The following CCDC127 variants were observed in gnomAD, a reference collection of about 807,000 sequenced individuals.
The protein encoded by CCDC127 is coiled-coil domain containing 127, also known as coiled-coil domain-containing protein 127.
In CCDC127, 2 loss-of-function variants were observed where a neutral mutation model predicts 4.1. The observed-to-expected ratio is 0.49, with a 90% CI of 0.20 to 1.53. CCDC127 has a LOEUF of 1.53. Among genes scored for constraint, CCDC127 ranks in the 40% most tolerant of loss-of-function variants. The pLI, the probability that CCDC127 is intolerant of heterozygous loss-of-function variation, is 0.23. For synonymous variants in CCDC127, 98 were observed against 120.4 expected, an observed-to-expected ratio of 0.81 and a Z score of 1.22; for missense variants, 271 against 322.9, an observed-to-expected ratio of 0.84 and a Z score of 1.23.
In CCDC127 at chr5:205,425, A is replaced by G. The variant is rs144547707; in HGVS notation, c.655T>C (p.Cys219Arg). 6.2e-7 allele frequency: 1 copy of G among 1,614,224 alleles called. No individual in the cohort carries two copies. The highest frequency in any genetic ancestry group is 8.5e-7 in the Non-Finnish European group (1 of 1,180,038). The stretch of plus-strand genomic sequence containing the variant: ...TTGTTGGTGTTCCAGACATCACCAC[A>G]GTATGTATCATGCTGAAATATGTCG... ...LTDIFQHDTY[C>R]GDVWNTNKRQ... The change falls in exon 3 of 3, where the codon TGT becomes CGT. Residue 219 changes from cysteine (C) to arginine (R), a missense_variant. Physicochemically the swap from Cys to Arg is radical, Grantham distance 180. This residue lies in a region of CCDC127 where 265 missense variants were observed against 270.9 expected (regional missense o/e 0.98). Coordinates refer to ENST00000296824, the MANE Select transcript of CCDC127 (RefSeq NM_145265.3).
chr5:208,486 A>G (rs904519639), intron 2 of CCDC127, among the ~76,000 whole-genome samples: 1 of 152,238 alleles, frequency 6.6e-6, no homozygotes, highest in African/African-American at 2.4e-5. Context: ...CAAATAACAC[A>G]GAAAAAACTA....
At chr5:215,144 C>G (rs368282140) in intron 2 of CCDC127, 1 of 152,214 alleles carries the variant, frequency 6.6e-6, no homozygotes, top group Non-Finnish European at 1.5e-5. Flanking sequence ...TTCTTCTAGA[C>G]TACACTAGGG....
In CCDC127 at chr5:202,805, G is replaced by A. The variant is rs1394240161; in HGVS notation, c.*2492C>T. On this transcript the variant is annotated 3_prime_UTR_variant, in exon 3 of 3. Transcript: ENST00000296824. ...CTTCATTTAAAGACAAACGTGGAGTGGTTCACACAGGGACACCCAGCAGAC... is the reference window on the plus strand; with the variant it reads ...CTTCATTTAAAGACAAACGTGGAGTAGTTCACACAGGGACACCCAGCAGAC... 1.3e-5 allele frequency: 2 copies of A among 152,248 alleles called. No individual in the cohort carries two copies. The highest frequency in any genetic ancestry group is 2.9e-5 in the Non-Finnish European group (2 of 68,058). The allele number at this position is 152,248 out of a possible 1,614,324, so 9.4% of individuals were successfully genotyped here.
intron 2 of CCDC127, among the ~76,000 whole-genome samples, chr5:209,891 A>T (rs1443082914): frequency 6.6e-6 from 1 of 152,228 alleles, no homozygotes. Context: ...AAACCAAAAA[A>T]AAACGGACCA....
chr5:214,654 C>A (rs1332904923), intron 2 of CCDC127: 2 of 152,158 alleles, frequency 1.3e-5, no homozygotes, highest in Non-Finnish European at 2.9e-5. Context: ...CCCCTGGGAG[C>A]TACTCAGGGT....
In CCDC127 at chr5:203,235, A is replaced by C. The variant is rs1184074034; in HGVS notation, c.*2062T>G. 6.6e-6 allele frequency: 1 copy of C among 151,774 alleles called. No homozygotes were observed. Among genetic ancestry groups the C allele is most frequent in the African/African-American group, 2.4e-5 (1 of 41,310 alleles). 9.4% of individuals were successfully genotyped at this position (151,774 alleles called of 1,614,324 possible). A position where few individuals can be genotyped will look rare whatever the true frequency, so the allele number is the denominator to read the frequency against. ...CCTGGGTGACAGAGATTCCCTCTCA[A>C]AAAAAATAAAAAATGAAAATAAAAG... On this transcript the variant is annotated 3_prime_UTR_variant, in exon 3 of 3. Coordinates refer to ENST00000296824, the MANE Select transcript of CCDC127 (RefSeq NM_145265.3).
intron 2 of CCDC127, among the ~76,000 whole-genome samples, chr5:211,182 C>G (rs547377957): frequency 1.5e-4 from 18 of 121,392 alleles, no homozygotes; most frequent in African/African-American, 6.7e-4. Flanking sequence ...GCAGACGGGA[C>G]AGCAGTGTGA....
intron 2 of CCDC127, chr5:214,412 A>G (rs1175097197): frequency 1.3e-5 from 2 of 152,250 alleles, no homozygotes; most frequent in African/African-American, 4.8e-5. Flanking sequence ...AGTTGGGCCC[A>G]GTGAACTCAA....
rs1560974652 is a variant in CCDC127, at chr5:205,554, G to A, written c.526C>T (p.Leu176=). Residue 176 remains leucine (L), a synonymous_variant, in exon 3 of 3, where the codon CTG becomes TTG. Coordinates refer to ENST00000296824, the MANE Select transcript of CCDC127 (RefSeq NM_145265.3). The stretch of plus-strand genomic sequence containing the variant: ...AGCCGCTTGCTGCGAGGAAGAAACA[G>A]ACTGCAGTAGATATTCTGTCTTTCT... ...LTERQNIYCS[L]FLPRSKRLEI... 1 of 1,614,190 alleles carries A rather than the reference G, an allele frequency of 6.2e-7. No individual in the cohort carries two copies. The highest frequency in any genetic ancestry group is 8.5e-7 in the Non-Finnish European group (1 of 1,180,012).
At position 202,662 on chromosome 5, in the gene CCDC127, A is replaced by AT. The variant is rs765680515; in HGVS notation, c.*2634dup. 1.3e-5 allele frequency: 2 copies of AT among 152,294 alleles called. No homozygotes were observed. Among genetic ancestry groups the AT allele is most frequent in the African/African-American group, 2.4e-5 (1 of 41,460 alleles). 9.4% of individuals were successfully genotyped at this position (152,294 alleles called of 1,614,324 possible). A position where few individuals can be genotyped will look rare whatever the true frequency, so the allele number is the denominator to read the frequency against. On this transcript the variant is annotated 3_prime_UTR_variant, in exon 3 of 3. Transcript: ENST00000296824. Reference sequence around the variant, plus strand: ...CCACACCAGCTTGAAGGCTCTGAACATATCTATCTCACTATAGAAGGAAGC... The same window carrying AT: ...CCACACCAGCTTGAAGGCTCTGAACATTATCTATCTCACTATAGAAGGAAGC...
intron 2 of CCDC127, among the ~76,000 whole-genome samples, chr5:213,224 G>T (rs1191389148): frequency 3.1e-4 from 18 of 58,958 alleles, no homozygotes; most frequent in South Asian, 1.0e-3. Context: ...ACACCCATCA[G>T]GATGGGGCAG....
intron 2 of CCDC127, among the ~76,000 whole-genome samples, chr5:213,314 G>A (rs1734310822): frequency 2.4e-5 from 2 of 81,738 alleles, no homozygotes; most frequent in African/African-American, 7.9e-5. Context: ...CACCCATCAC[G>A]ATGGGGCAGA....
intron 2 of CCDC127, among the ~76,000 whole-genome samples, chr5:211,227 T>A (rs372992136): frequency 4.0e-4 from 12 of 29,960 alleles, no homozygotes; most frequent in South Asian, 3.7e-3. Flanking sequence ...ACTGCAGCCA[T>A]GACGAGACAG....
In CCDC127 at chr5:202,883, G is replaced by A. The variant is rs1418315196; in HGVS notation, c.*2414C>T. 6.6e-6 allele frequency: 1 copy of A among 150,874 alleles called. No homozygotes were observed. The highest frequency in any genetic ancestry group is 2.4e-5 in the African/African-American group (1 of 41,228). 9.3% of individuals were successfully genotyped at this position (150,874 alleles called of 1,614,324 possible). On this transcript the variant is annotated 3_prime_UTR_variant, in exon 3 of 3. Coordinates refer to ENST00000296824, the MANE Select transcript of CCDC127 (RefSeq NM_145265.3). ...CCGCTCTTTAGGCAAGGGTCTTGAT[G>A]CATCAGGAAGTACAAACAACAACAG... is the stretch of plus-strand genomic sequence containing the variant.
In CCDC127 at chr5:203,383, T is replaced by C. The variant is rs1238883838; in HGVS notation, c.*1914A>G. On this transcript the variant is annotated 3_prime_UTR_variant, in exon 3 of 3. Coordinates refer to ENST00000296824, the MANE Select transcript of CCDC127 (RefSeq NM_145265.3). Reference sequence around the variant, plus strand: ...ACTGCACTCCTGCCTGGGTGAAGCATCTGAGCACCCTTAGCAGGGCGTGGG... The same window carrying C: ...ACTGCACTCCTGCCTGGGTGAAGCACCTGAGCACCCTTAGCAGGGCGTGGG... 1.3e-5 allele frequency: 2 copies of C among 152,254 alleles called. No homozygotes were observed. Among genetic ancestry groups the C allele is most frequent in the African/African-American group, 2.4e-5 (1 of 41,454 alleles). 9.4% of individuals were successfully genotyped at this position (152,254 alleles called of 1,614,324 possible).
intron 2 of CCDC127, among the ~76,000 whole-genome samples, chr5:209,101 C>T (rs551180228): frequency 2.6e-5 from 4 of 152,212 alleles, no homozygotes; most frequent in Non-Finnish European, 4.4e-5. Flanking sequence ...CCCACAAACA[C>T]AGAAACAACC....
rs572309733 is a variant in CCDC127 at position 196,989 on chromosome 5, T to C, written c.*8308A>G. On this transcript the variant is annotated 3_prime_UTR_variant, in exon 3 of 3. Coordinates refer to ENST00000296824, the MANE Select transcript of CCDC127 (RefSeq NM_145265.3). ...TTTTCATTATTTCAGCAAAAAGGAA[T>C]GTAGTAGGAGAGCAGGGTGATAATA... 2.7e-5 allele frequency: 4 copies of C among 150,850 alleles called. No homozygotes were observed. The highest frequency in any genetic ancestry group is 1.9e-4 in the East Asian group (1 of 5,158). The allele number at this position is 150,850 out of a possible 1,614,324, so 9.3% of individuals were successfully genotyped here.
chr5:216,996 T>C (rs1734411613), intron 1 of CCDC127, 137 bp from the exon 2 acceptor site: 1 of 531,136 alleles, frequency 1.9e-6, no homozygotes. Flanking sequence ...CCGGGCATGG[T>C]GGCGGGCACC....
In CCDC127 at chr5:205,722, G is replaced by C; in HGVS notation, c.358C>G (p.Leu120Val). The change falls in exon 3 of 3, where the codon CTG (leucine) becomes GTG (valine). Residue 120 changes from leucine to valine, a missense_variant. Physicochemically the swap from Leu to Val is conservative, Grantham distance 32 (BLOSUM62 1). Coordinates refer to ENST00000296824, the MANE Select transcript of CCDC127 (RefSeq NM_145265.3). ...ATCACCTGGGCCCGTTCCTGTTCCA[G>C]AAGCTTCTTTTCTTCTACCAACTTG... is the stretch of plus-strand genomic sequence containing the variant. ...GRKLVEEKKL[L>V]EQERAQVMQE... 2 of 1,614,126 alleles carry C rather than the reference G, an allele frequency of 1.2e-6. No individual in the cohort carries two copies. The highest frequency in any genetic ancestry group is 1.7e-6 in the Non-Finnish European group (2 of 1,180,022).
Sources: gnomAD v4.1 joint callset for allele counts (sites outside exome capture counted in the v4.1 genomes callset) on GRCh38, gnomAD v4.1.1 for gene constraint, gnomAD v4.1.1 regional missense constraint, MANE v1.5 for transcripts, NCBI Gene and HGNC (gene_info 2026-07-23, HGNC 2026-07-21) for gene names.